RANBP2: variants seen among roughly 807,000 people sequenced by gnomAD.
RANBP2 encodes the protein RAN binding protein 2.
In RANBP2, 57 loss-of-function variants were observed where a neutral mutation model predicts 303.6. The ratio of observed to expected loss-of-function variants is 0.19; its 90% CI spans 0.15 to 0.23. The LOEUF (loss-of-function observed/expected upper bound fraction) is 0.23, where lower values mean the gene tolerates loss of function less well. RANBP2 is among the 10% of genes least tolerant of loss of function. The pLI, the probability that RANBP2 is intolerant of heterozygous loss-of-function variation, is 1.00. For synonymous variants in RANBP2, 1,167 were observed against 1,301.5 expected (o/e 0.90, Z 2.23); for missense variants, 3,138 against 3,780.8 (o/e 0.83, Z 4.46).
chr2:109,738,140 T>C, the RANBP2 span, among the ~76,000 whole-genome samples: 1 of 152,002 alleles, frequency 6.6e-6, no homozygotes, highest in East Asian at 1.9e-4. Context: ...TGGTCTCATC[T>C]GTAAAATCTT....
At chr2:108,777,645 AT>A (rs1453099632) in intron 25 of RANBP2, among the ~76,000 whole-genome samples, 3 of 151,992 alleles carry the variant, frequency 2.0e-5, no homozygotes, top group African/African-American at 4.8e-5. Context: ...GGTTGTGCTA[AT>A]TTATTGTGCT....
At chr2:109,582,110 A>ACTCACT in the RANBP2 span, among the ~76,000 whole-genome samples, 18 of 134,968 alleles carry the variant, frequency 1.3e-4, no homozygotes, top group South Asian at 4.2e-3. Context: ...ACACACACAC[A>ACTCACT]CACTCACTCT....
Position 108,767,578 on chromosome 2 carries a change from G to C in RANBP2, c.7039G>C (p.Gly2347Arg), listed in dbSNP as rs151064332. The C allele has an allele frequency of 5.0e-5, 80 of 1,611,876 alleles. No homozygotes were observed. In the African/African-American group the frequency reaches 9.9e-4, roughly 20 times the overall value. ...ACTCTACAGATATGATAAAGATGTTGGTCAATGGAAAGAAAGGGGCATTGG... is the reference window on the plus strand; with the variant it reads ...ACTCTACAGATATGATAAAGATGTTCGTCAATGGAAAGAAAGGGGCATTGG... The part of the protein sequence containing the change: ...AKLYRYDKDV[G>R]QWKERGIGDI... The change falls in exon 20 of 29, where the codon GGT becomes CGT. Residue 2347 changes from glycine (G) to arginine (R), a missense_variant. Around this residue, in one of 20 missense-constraint regions of RANBP2, gnomAD observed 92 missense variants for 211.0 expected, o/e 0.44. Coordinates refer to ENST00000283195, the MANE Select transcript of RANBP2 (RefSeq NM_006267.5).
the RANBP2 span, among the ~76,000 whole-genome samples, chr2:109,529,449 C>T: frequency 5.3e-5 from 8 of 152,040 alleles, no homozygotes; most frequent in African/African-American, 1.7e-4. Context: ...GGGAGAAGCT[C>T]GGAGCCCAGC....
At chr2:109,696,383 G>A in the RANBP2 span, among the ~76,000 whole-genome samples, 31 of 152,226 alleles carry the variant, frequency 2.0e-4, no homozygotes, top group Middle Eastern at 3.4e-3. Context: ...GATTCCTTAT[G>A]GATATCTGAT....
At chr2:108,995,360 G>T in the RANBP2 span, among the ~76,000 whole-genome samples, 352 of 152,260 alleles carry the variant, frequency 2.3e-3, 4 homozygotes, top group African/African-American at 7.8e-3. Context: ...CATTTTGCAG[G>T]TAATCTGTAA....
chr2:109,482,371 G>T, the RANBP2 span, among the ~76,000 whole-genome samples: 1 of 152,200 alleles, frequency 6.6e-6, no homozygotes, highest in Admixed American at 6.5e-5. Flanking sequence ...ACTTGTTCAA[G>T]ATCAGCCAAC....
At chr2:109,418,562 C>G in the RANBP2 span, among the ~76,000 whole-genome samples, 1 of 152,176 alleles carries the variant, frequency 6.6e-6, no homozygotes, top group Non-Finnish European at 1.5e-5. Flanking sequence ...CCCTCCACAT[C>G]CCGGTCCTCC....
chr2:109,586,372 AGGAAACT>A, the RANBP2 span, among the ~76,000 whole-genome samples: 1 of 152,200 alleles, frequency 6.6e-6, no homozygotes, highest in African/African-American at 2.4e-5. Context: ...ACTTGAGGGA[AGGAAACT>A]TATCAGGTGA....
chr2:108,911,232 G>A, the RANBP2 span, among the ~76,000 whole-genome samples: 51 of 152,118 alleles, frequency 3.4e-4, no homozygotes, highest in Admixed American at 2.7e-3. Flanking sequence ...CAAATCCTCC[G>A]CGCTGGTTTT....
the RANBP2 span, among the ~76,000 whole-genome samples, chr2:108,921,728 T>C: frequency 6.6e-6 from 1 of 152,212 alleles, no homozygotes; most frequent in East Asian, 1.9e-4. Context: ...GGCATCACTC[T>C]GTTTGGCATT....
At chr2:109,206,909 C>G in the RANBP2 span, among the ~76,000 whole-genome samples, 1 of 152,206 alleles carries the variant, frequency 6.6e-6, no homozygotes, top group Admixed American at 6.5e-5. Flanking sequence ...GGGCCATAAG[C>G]TTGTGTTTGG....
chr2:108,805,631 G>A, the RANBP2 span, among the ~76,000 whole-genome samples: 2 of 152,084 alleles, frequency 1.3e-5, no homozygotes, highest in African/African-American at 4.8e-5. Flanking sequence ...GGAGGCTGAG[G>A]CAGGAGAATG....
chr2:109,100,784 GA>G, the RANBP2 span, among the ~76,000 whole-genome samples: 1 of 151,820 alleles, frequency 6.6e-6, no homozygotes. Context: ...GACTTCCAGG[GA>G]AAAAAAAGAA....
the RANBP2 span, among the ~76,000 whole-genome samples, chr2:109,200,436 G>C: frequency 2.6e-5 from 4 of 152,078 alleles, no homozygotes; most frequent in Admixed American, 2.6e-4. Context: ...TCTGTGTCCT[G>C]TGTGGTCCCT....
At chr2:108,867,842 C>T in the RANBP2 span, among the ~76,000 whole-genome samples, 2 of 152,178 alleles carry the variant, frequency 1.3e-5, no homozygotes, top group Non-Finnish European at 2.9e-5. Context: ...GAATAAAAGC[C>T]TTACTAACTA....
the RANBP2 span, among the ~76,000 whole-genome samples, chr2:109,051,990 C>A: frequency 0.013 from 1,965 of 152,198 alleles, 48 homozygotes; most frequent in African/African-American, 0.046. Flanking sequence ...CCTGGTGATC[C>A]GCCCGCCTCG....
chr2:108,988,132 A>G, the RANBP2 span, among the ~76,000 whole-genome samples: 12 of 152,186 alleles, frequency 7.9e-5, no homozygotes, highest in Admixed American at 5.2e-4. Flanking sequence ...TTGCCCACTG[A>G]CCGGCATCTG....
the RANBP2 span, chr2:108,894,811 G>T: frequency 6.6e-6 from 1 of 152,216 alleles, no homozygotes; most frequent in African/African-American, 2.4e-5. Context: ...AAAATGGCAG[G>T]TGGAGAGCCA....
Sources: gnomAD v4.1 joint callset for allele counts (sites outside exome capture counted in the v4.1 genomes callset) on GRCh38, gnomAD v4.1.1 for gene constraint, gnomAD v4.1.1 regional missense constraint, MANE v1.5 for transcripts, NCBI Gene and HGNC (gene_info 2026-07-23, HGNC 2026-07-21) for gene names.